SPATA17: variants seen among roughly 807,000 people sequenced by gnomAD.
SPATA17 encodes the protein spermatogenesis associated 17.
A neutral mutation model predicts 62.2 loss-of-function variants in SPATA17; 53 were observed. The observed-to-expected ratio is 0.85, with a 90% CI of 0.68 to 1.07. The LOEUF (loss-of-function observed/expected upper bound fraction) is 1.07. Ranked by LOEUF, SPATA17 falls within the 50% of genes least tolerant of loss-of-function variation. The pLI, the probability that SPATA17 is intolerant of heterozygous loss-of-function variation, is 0.00. For missense variants in SPATA17, 466 were observed against 425.5 expected, an observed-to-expected ratio of 1.10 and a Z score of -0.84; for synonymous variants, 146 against 146.8, an observed-to-expected ratio of 0.99 and a Z score of 0.04.
chr1:217,691,037 T>C (rs1218277576), intron 5 of SPATA17, among the ~76,000 whole-genome samples: 1 of 145,206 alleles, frequency 6.9e-6, no homozygotes. Context: ...ATGGTATTTC[T>C]AGTTCTAGAT....
intron 9 of SPATA17, among the ~76,000 whole-genome samples, chr1:217,819,214 T>C (rs560091846): frequency 3.3e-5 from 5 of 152,054 alleles, no homozygotes; most frequent in African/African-American, 1.2e-4. Flanking sequence ...TTAATGAGGT[T>C]CTATTTTGCT....
At chr1:217,800,347 G>A (rs1244185238) in intron 8 of SPATA17, among the ~76,000 whole-genome samples, 1 of 151,464 alleles carries the variant, frequency 6.6e-6, no homozygotes, top group Non-Finnish European at 1.5e-5. Context: ...TCAGTCTTCT[G>A]AAGGATATAA....
intron 4 of SPATA17, among the ~76,000 whole-genome samples, chr1:217,681,784 TA>T (rs1184830772): frequency 2.6e-5 from 4 of 152,160 alleles, no homozygotes; most frequent in African/African-American, 9.7e-5. Context: ...AGAATTTAAG[TA>T]AAGAATTTTT....
At chr1:217,704,296 T>C (rs2102921842) in intron 5 of SPATA17, among the ~76,000 whole-genome samples, 1 of 125,782 alleles carries the variant, frequency 8.0e-6, no homozygotes, top group East Asian at 2.8e-4. Context: ...CAGGCCGGAC[T>C]GCGGACTGCA....
At chr1:217,844,496 C>T (rs1342346131) in intron 9 of SPATA17, among the ~76,000 whole-genome samples, 1 of 152,040 alleles carries the variant, frequency 6.6e-6, no homozygotes, top group Non-Finnish European at 1.5e-5. Flanking sequence ...TCCTTCTTTC[C>T]TCCTTGTGGC....
At chr1:217,824,334 G>A (rs1674936806) in intron 9 of SPATA17, among the ~76,000 whole-genome samples, 1 of 151,600 alleles carries the variant, frequency 6.6e-6, no homozygotes, top group Non-Finnish European at 1.5e-5. Flanking sequence ...TATGTTCACA[G>A]TTTTGTATAC....
intron 5 of SPATA17, among the ~76,000 whole-genome samples, chr1:217,723,802 G>A (rs1018976364): frequency 6.6e-6 from 1 of 152,220 alleles, no homozygotes; most frequent in African/African-American, 2.4e-5. Flanking sequence ...TACAGTATAT[G>A]TGCAGATAAC....
intron 3 of SPATA17, among the ~76,000 whole-genome samples, chr1:217,668,133 A>T (rs1670744276): frequency 6.6e-6 from 1 of 152,226 alleles, no homozygotes; most frequent in African/African-American, 2.4e-5. Context: ...GGCTCAAGTT[A>T]TAGTGAATAA....
Position 217,819,923 on chromosome 1 carries a change from G to A in SPATA17, c.1005+18073G>A, listed in dbSNP as rs545419873. On this transcript the variant is annotated intron_variant, in intron 9 of 10. Coordinates refer to ENST00000366933, the MANE Select transcript of SPATA17 (RefSeq NM_138796.4). ...AACAAATACTGAACACCTTCTATGA[G>A]GCAGGAAGTATGCTAGACAATTTAG... Among the ~76,000 whole-genome samples the A allele has an allele frequency of 3.9e-5, 6 of 152,116 alleles. No individual in the cohort carries two copies. In the South Asian group the frequency reaches 6.2e-4, roughly 16 times the overall value.
At chr1:217,728,603 T>C (rs61825781) in intron 5 of SPATA17, among the ~76,000 whole-genome samples, 21,222 of 152,142 alleles carry the variant, frequency 0.14, 1,566 homozygotes, top group Non-Finnish European at 0.16. Flanking sequence ...CACAGGACGA[T>C]TTTTGTTAAA....
chr1:217,712,283 C>T (rs1329997705), intron 5 of SPATA17, among the ~76,000 whole-genome samples: 1 of 151,810 alleles, frequency 6.6e-6, no homozygotes, highest in Non-Finnish European at 1.5e-5. Flanking sequence ...TGTGCCACCA[C>T]GCCTGGCTAA....
At chr1:217,754,834 A>G (rs529935540) in intron 6 of SPATA17, among the ~76,000 whole-genome samples, 1 of 152,226 alleles carries the variant, frequency 6.6e-6, no homozygotes, top group Admixed American at 6.5e-5. Flanking sequence ...ATCATGAAAT[A>G]CAATATGCCC....
intron 1 of SPATA17, among the ~76,000 whole-genome samples, chr1:217,639,638 C>T (rs1670012100): frequency 6.6e-6 from 1 of 152,132 alleles, no homozygotes; most frequent in South Asian, 2.1e-4. Flanking sequence ...ACAAATTAAG[C>T]TGGAAGAATG....
chr1:217,711,931 G>A (rs557007755), intron 5 of SPATA17, among the ~76,000 whole-genome samples: 2 of 152,290 alleles, frequency 1.3e-5, no homozygotes, highest in South Asian at 4.1e-4. Context: ...GTTACTGGCT[G>A]GAAGGGACTT....
intron 6 of SPATA17, among the ~76,000 whole-genome samples, chr1:217,769,179 A>C (rs916259754): frequency 2.0e-5 from 3 of 152,196 alleles, no homozygotes; most frequent in Admixed American, 1.3e-4. Context: ...GAAATATTTC[A>C]TTTGCAATAT....
At chr1:217,864,248 C>T (rs951007411) in intron 10 of SPATA17, among the ~76,000 whole-genome samples, 1 of 152,024 alleles carries the variant, frequency 6.6e-6, no homozygotes, top group Admixed American at 6.6e-5. Context: ...ATGACTTCAG[C>T]TTTTAACTCA....
intron 5 of SPATA17, among the ~76,000 whole-genome samples, chr1:217,685,173 G>A (rs1237852836): frequency 1.3e-5 from 2 of 152,048 alleles, no homozygotes; most frequent in African/African-American, 4.8e-5. Context: ...AGGGAGGGAG[G>A]TGCTCACTCT....
chr1:217,755,514 G>A (rs192742552), intron 6 of SPATA17, among the ~76,000 whole-genome samples: 7 of 152,092 alleles, frequency 4.6e-5, no homozygotes, highest in African/African-American at 1.4e-4. Flanking sequence ...TTAGTTTACA[G>A]AAAAGTGACA....
chr1:217,801,724 G>T lies in SPATA17; in HGVS notation c.879G>T (p.Leu293Phe). 1.3e-6 allele frequency: 2 copies of T among 1,593,832 alleles called. No individual in the cohort carries two copies. The highest frequency in any genetic ancestry group is 8.5e-7 in the Non-Finnish European group (1 of 1,173,376). Residue 293 changes from leucine to phenylalanine, a missense_variant, in exon 9 of 11, where the codon TTG (leucine) becomes TTT (phenylalanine). Physicochemically the swap from Leu to Phe is conservative, Grantham distance 22. Transcript: ENST00000366933. Reference protein sequence around the residue: ...WLQNVNDNMFLPFSSYHKNEK... With the variant: ...WLQNVNDNMFFPFSSYHKNEK... ...TCTTAAATATTTCTTTCAGGTTTTT[G>T]CCATTTTCTTCATACCATAAAAATG...
Sources: gnomAD v4.1 joint callset for allele counts (sites outside exome capture counted in the v4.1 genomes callset) on GRCh38, gnomAD v4.1.1 for gene constraint, MANE v1.5 for transcripts, NCBI Gene and HGNC (gene_info 2026-07-23, HGNC 2026-07-21) for gene names.